Variants in RUFY1 observed in about 807,000 individuals in gnomAD.
RUFY1 encodes the protein RUN and FYVE domain containing 1, also known as RUN and FYVE domain-containing protein 1.
Under a neutral mutation model 94.6 loss-of-function variants are expected in RUFY1, and 54 were observed. The ratio of observed to expected loss-of-function variants is 0.57; its 90% confidence interval spans 0.46 to 0.72. The LOEUF is 0.72. Ranked by LOEUF, RUFY1 falls within the 30% of genes least tolerant of loss-of-function variation. The probability of loss-of-function intolerance (pLI) is 0.00; values close to 1 mark genes in which losing one functional copy is unlikely to be tolerated. For missense variants in RUFY1, 883 were observed against 883.9 expected (o/e 1.00, Z 0.01); for synonymous variants, 396 against 347.3 (o/e 1.14, Z -1.56).
intron 3 of RUFY1, among the ~76,000 whole-genome samples, chr5:179,563,304 A>G (rs7706275): frequency 0.3 from 45,827 of 152,028 alleles, 7,492 homozygotes; most frequent in East Asian, 0.64. Flanking sequence ...AATAATAGCC[A>G]CTGCCCTCAG....
In RUFY1 at chr5:179,550,864, G is replaced by T; in HGVS notation, c.295G>T (p.Gly99Cys). The change falls in exon 1 of 18, where the codon GGC (glycine) becomes TGC (cysteine). Residue 99 changes from glycine (G) to cysteine (C), a missense_variant. Gly to Cys is a radical substitution (Grantham distance 159, BLOSUM62 -3). Coordinates refer to ENST00000319449, the MANE Select transcript of RUFY1 (RefSeq NM_025158.5). ...GCTGGGCGGCGGGGACAGCGGGGAC[G>T]GCACGGCGCGCGCAGGTAGGCTCGG... Reference protein sequence around the residue: ...AGLGGGDSGDGTARAASKCQM... With the variant: ...AGLGGGDSGDCTARAASKCQM... 8.5e-7 allele frequency: 1 copy of T among 1,179,312 alleles called. No homozygotes were observed. Among genetic ancestry groups the T allele is most frequent in the South Asian group, 4.0e-5 (1 of 24,742 alleles). The allele number at this position is 1,179,312 out of a possible 1,614,324, so 73.1% of individuals were successfully genotyped here.
At position 179,589,572 on chromosome 5, in the gene RUFY1, C is replaced by T; in HGVS notation, c.1053C>T (p.Cys351=). ...EELSAATDRI[C]SLQEEQQQLR... is the part of the protein sequence containing the mutation. Reference sequence around the variant, plus strand: ...TTTCAGCTGCAACAGACCGAATTTGCTCACTTCAAGAAGAACAGCAGCAGT... The same window carrying T: ...TTTCAGCTGCAACAGACCGAATTTGTTCACTTCAAGAAGAACAGCAGCAGT... Residue 351 remains cysteine, a synonymous_variant, in exon 9 of 18, where the codon TGC becomes TGT. Transcript: ENST00000319449. 2 of 1,614,046 alleles carry T rather than the reference C, an allele frequency of 1.2e-6. No homozygotes were observed. Among genetic ancestry groups the T allele is most frequent in the Non-Finnish European group, 1.7e-6 (2 of 1,179,934 alleles).
intron 14 of RUFY1, 113 bp downstream of exon 14, chr5:179,598,934 A>G: frequency 8.2e-7 from 1 of 1,226,920 alleles, no homozygotes; most frequent in Non-Finnish European, 1.2e-6. Context: ...AGGCGGCTCC[A>G]GGGTGTGGGG....
chr5:179,589,061 A>G (rs1377673596), intron 8 of RUFY1, among the ~76,000 whole-genome samples: 1 of 151,390 alleles, frequency 6.6e-6, no homozygotes, highest in African/African-American at 2.4e-5. Flanking sequence ...TTTTTAACCT[A>G]GTTGATTTTT....
intron 6 of RUFY1, among the ~76,000 whole-genome samples, chr5:179,578,816 G>T (rs571416515): frequency 2.0e-4 from 31 of 151,734 alleles, no homozygotes; most frequent in African/African-American, 6.8e-4. Context: ...GGCTAATTTT[G>T]TATTTTTAGT....
intron 10 of RUFY1, 99 bp from the exon 11 acceptor site, chr5:179,593,379 T>C (rs1765267739): frequency 1.4e-6 from 2 of 1,409,490 alleles, no homozygotes; most frequent in South Asian, 2.5e-5. Context: ...ACACCCAGCC[T>C]TCAGTTTGTA....
chr5:179,580,206 C>CGT (rs71591429), intron 6 of RUFY1, among the ~76,000 whole-genome samples: 13,813 of 127,354 alleles, frequency 0.11, 965 homozygotes, highest in African/African-American at 0.18. Flanking sequence ...CAAAAAATTC[C>CGT]GTGTGTGTGT....
At chr5:179,577,788 C>G (rs866065915) in intron 6 of RUFY1, among the ~76,000 whole-genome samples, 1 of 144,744 alleles carries the variant, frequency 6.9e-6, no homozygotes, top group South Asian at 2.2e-4. Flanking sequence ...GTGGGAGCGC[C>G]GGAGTTGGAT....
intron 17 of RUFY1, 124 bp downstream of exon 17, chr5:179,607,783 C>A: frequency 1.3e-6 from 1 of 784,854 alleles, no homozygotes; most frequent in Non-Finnish European, 2.1e-6. Flanking sequence ...CTGACTGTGG[C>A]AGATGGGCAG....
chr5:179,602,071 T>C, intron 15 of RUFY1, 85 bp downstream of exon 15: 1 of 1,130,732 alleles, frequency 8.8e-7, no homozygotes, highest in Non-Finnish European at 1.3e-6. Flanking sequence ...TACCTCCTTT[T>C]GGCGAACGGA....
At chr5:179,589,044 T>C (rs535646025) in intron 8 of RUFY1, among the ~76,000 whole-genome samples, 1 of 152,180 alleles carries the variant, frequency 6.6e-6, no homozygotes, top group South Asian at 2.1e-4. Flanking sequence ...CCATCTTTTC[T>C]TAAGCATTTT....
chr5:179,576,787 T>C (rs749369800), intron 5 of RUFY1, among the ~76,000 whole-genome samples: 13 of 152,212 alleles, frequency 8.5e-5, no homozygotes, highest in Non-Finnish European at 1.3e-4. Flanking sequence ...ACAAATAATT[T>C]TGTTGATCTT....
At chr5:179,602,051 GCC>G in intron 15 of RUFY1, 65 bp downstream of exon 15, 1 of 1,322,852 alleles carries the variant, frequency 7.6e-7, no homozygotes, top group Non-Finnish European at 1.1e-6. Flanking sequence ...CATCCCTCAG[GCC>G]CCAAACCTAC....
chr5:179,563,714 C>T (rs1365321904), intron 3 of RUFY1, among the ~76,000 whole-genome samples: 1 of 152,120 alleles, frequency 6.6e-6, no homozygotes, highest in East Asian at 1.9e-4. Flanking sequence ...CACTCTTGCC[C>T]AGGCTGGAGT....
chr5:179,608,794 G>A (rs906076089), intron 17 of RUFY1, among the ~76,000 whole-genome samples: 70 of 152,058 alleles, frequency 4.6e-4, no homozygotes, highest in African/African-American at 1.6e-3. Context: ...AACCGGGCAC[G>A]GTGGCAGGCA....
Position 179,594,954 on chromosome 5 carries a change from T to C in RUFY1, c.1502T>C (p.Met501Thr), listed in dbSNP as rs1303077451. Reference sequence around the variant, plus strand: ...CAAGTTATGTCCAGCATGAAACAAATGGAAGAAAGGTAATCACTTCCCCCT... The same window carrying C: ...CAAGTTATGTCCAGCATGAAACAAACGGAAGAAAGGTAATCACTTCCCCCT... ...TNQVMSSMKQ[M>T]EERLQHSERA... is the part of the protein sequence containing the mutation. Residue 501 changes from methionine to threonine, a missense_variant, in exon 12 of 18, where the codon ATG (methionine) becomes ACG (threonine). Met to Thr is a moderately conservative substitution (Grantham distance 81). Transcript: ENST00000319449. The C allele has an allele frequency of 3.1e-6, 5 of 1,606,526 alleles. No individual in the cohort carries two copies. The highest frequency in any genetic ancestry group is 4.3e-6 in the Non-Finnish European group (5 of 1,173,722).
intron 2 of RUFY1, among the ~76,000 whole-genome samples, chr5:179,561,920 G>A (rs1158877067): frequency 1.3e-5 from 2 of 149,864 alleles, no homozygotes; most frequent in Non-Finnish European, 3.0e-5. Flanking sequence ...TCCTGACCTC[G>A]TGATCCACCC....
At chr5:179,607,998 C>T (rs547677891) in intron 17 of RUFY1, among the ~76,000 whole-genome samples, 1 of 152,194 alleles carries the variant, frequency 6.6e-6, no homozygotes, top group African/African-American at 2.4e-5. Flanking sequence ...GGAACAAAAT[C>T]TGGCCCAACT....
At position 179,594,956 on chromosome 5, in the gene RUFY1, G is replaced by C. The variant is rs765269702; in HGVS notation, c.1504G>C (p.Glu502Gln). Residue 502 changes from glutamate to glutamine, a missense_variant, in exon 12 of 18, where the codon GAA becomes CAA. Glu to Gln is a conservative substitution (Grantham distance 29). Coordinates refer to ENST00000319449, the MANE Select transcript of RUFY1 (RefSeq NM_025158.5). ...AGTTATGTCCAGCATGAAACAAATG[G>C]AAGAAAGGTAATCACTTCCCCCTGG... ...NQVMSSMKQM[E>Q]ERLQHSERAR... is the part of the protein sequence containing the mutation. 6.2e-7 allele frequency: 1 copy of C among 1,604,468 alleles called. No individual in the cohort carries two copies. Among genetic ancestry groups the C allele is most frequent in the Non-Finnish European group, 8.5e-7 (1 of 1,171,858 alleles).
Sources: gnomAD v4.1 joint callset for allele counts (sites outside exome capture counted in the v4.1 genomes callset) on GRCh38, gnomAD v4.1.1 for gene constraint, MANE v1.5 for transcripts, NCBI Gene and HGNC (gene_info 2026-07-23, HGNC 2026-07-21) for gene names.